FAM117B: variants seen among roughly 807,000 people sequenced by gnomAD.
FAM117B encodes the protein protein FAM117B.
In FAM117B, 22 loss-of-function variants were observed where a neutral mutation model predicts 52.8. That is an observed-to-expected ratio of 0.42 (90% confidence interval 0.30 to 0.59). The LOEUF (loss-of-function observed/expected upper bound fraction) is 0.59, where lower values mean the gene tolerates loss of function less well. Ranked by LOEUF, FAM117B falls within the 20% of genes least tolerant of loss-of-function variation. The pLI is 0.22. For synonymous variants in FAM117B, 309 were observed against 324.1 expected, an observed-to-expected ratio of 0.95 and a Z score of 0.50; for missense variants, 678 against 802.6, an observed-to-expected ratio of 0.84 and a Z score of 1.88.
intron 5 of FAM117B, 97 bp downstream of exon 5, chr2:202,755,778 C>T: frequency 1.6e-6 from 2 of 1,248,636 alleles, no homozygotes; most frequent in East Asian, 2.5e-5. Context: ...TCTTCCTTCT[C>T]ATTGAGAGAG....
chr2:202,733,876 TA>T, intron 4 of FAM117B, among the ~76,000 whole-genome samples: 1 of 152,312 alleles, frequency 6.6e-6, no homozygotes, highest in African/African-American at 2.4e-5. Context: ...GAGATTAAAG[TA>T]AAAACAGGCA....
chr2:202,722,288 C>T (rs1691168111), intron 2 of FAM117B, among the ~76,000 whole-genome samples: 1 of 152,068 alleles, frequency 6.6e-6, no homozygotes, highest in Non-Finnish European at 1.5e-5. Context: ...AGGCATGAGC[C>T]ACCACGCCTG....
intron 1 of FAM117B, among the ~76,000 whole-genome samples, chr2:202,693,850 A>G (rs1455590589): frequency 2.0e-5 from 3 of 152,150 alleles, no homozygotes; most frequent in Non-Finnish European, 4.4e-5. Context: ...GTTTTCTGCA[A>G]TTCATTGTTA....
At position 202,634,991 on chromosome 2, in the gene FAM117B, A is replaced by G. The variant is rs1250366770; in HGVS notation, c.-197A>G. On this transcript the variant is annotated 5_prime_UTR_variant, in exon 1 of 8. Coordinates refer to ENST00000392238, the MANE Select transcript of FAM117B (RefSeq NM_173511.4). ...AGCAGAGGAGACACTATTGTTGATG[A>G]GGAGCGGCGGCGGCGGCGGCGGCGG... Among the ~76,000 whole-genome samples the G allele has an allele frequency of 1.5e-5, 2 of 133,938 alleles. No homozygotes were observed. The highest frequency in any genetic ancestry group is 3.2e-5 in the Non-Finnish European group (2 of 63,000). The allele number at this position is 133,938 out of a possible 152,430, so 87.9% of individuals were successfully genotyped here.
At chr2:202,707,637 G>A (rs990088652) in intron 2 of FAM117B, among the ~76,000 whole-genome samples, 7 of 151,944 alleles carry the variant, frequency 4.6e-5, no homozygotes, top group African/African-American at 1.7e-4. Context: ...AACCTGGGAG[G>A]TGGAGGTCAC....
At chr2:202,683,126 G>A (rs564592310) in intron 1 of FAM117B, among the ~76,000 whole-genome samples, 1 of 152,102 alleles carries the variant, frequency 6.6e-6, no homozygotes, top group African/African-American at 2.4e-5. Context: ...TCAGGAGTTC[G>A]AGACCAGCCT....
chr2:202,676,572 G>A (rs931848359), intron 1 of FAM117B, among the ~76,000 whole-genome samples: 5 of 151,980 alleles, frequency 3.3e-5, no homozygotes, highest in Admixed American at 2.6e-4. Context: ...TAGAGACGGG[G>A]TTTCACCATG....
intron 4 of FAM117B, among the ~76,000 whole-genome samples, chr2:202,729,496 T>A (rs948247395): frequency 6.6e-6 from 1 of 152,174 alleles, no homozygotes; most frequent in African/African-American, 2.4e-5. Flanking sequence ...TTATTAATCA[T>A]TTTGGCCTGT....
At chr2:202,727,460 A>C (rs912709359) in intron 4 of FAM117B, among the ~76,000 whole-genome samples, 3 of 152,172 alleles carry the variant, frequency 2.0e-5, no homozygotes, top group Non-Finnish European at 2.9e-5. Flanking sequence ...GGATTCAACC[A>C]ACCATGGATC....
chr2:202,646,662 C>CT (rs1689868847), intron 1 of FAM117B, among the ~76,000 whole-genome samples: 1 of 152,138 alleles, frequency 6.6e-6, no homozygotes, highest in South Asian at 2.1e-4. Context: ...AATTTATGCT[C>CT]TTTTGAGTAC....
At chr2:202,648,483 C>G (rs1370736790) in intron 1 of FAM117B, among the ~76,000 whole-genome samples, 1 of 150,444 alleles carries the variant, frequency 6.6e-6, no homozygotes, top group African/African-American at 2.4e-5. Flanking sequence ...CGCCACTGCA[C>G]TGCAGCCTGG....
chr2:202,666,619 T>A (rs1210548281), intron 1 of FAM117B, among the ~76,000 whole-genome samples: 2 of 151,964 alleles, frequency 1.3e-5, no homozygotes, highest in East Asian at 3.9e-4. Context: ...TTCTACTGTA[T>A]TCACTTCTGG....
rs772703800 is a variant in FAM117B at position 202,635,320 on chromosome 2, C to A, written c.133C>A (p.Gln45Lys). ...GGCGACGGTTCCGTTCCAGCTGAAG[C>A]AGCAGCAGCAGCAGCAACATGGCAG... Reference protein sequence around the residue: ...MRATVPFQLKQQQQQQHGSPT... With the variant: ...MRATVPFQLKKQQQQQHGSPT... Residue 45 changes from glutamine to lysine, a missense_variant, in exon 1 of 8, where the codon CAG becomes AAG. Transcript: ENST00000392238. 2.2e-6 allele frequency: 3 copies of A among 1,379,474 alleles called. No homozygotes were observed. In the African/African-American group the frequency reaches 4.6e-5, roughly 21 times the overall value. 85.5% of individuals were successfully genotyped at this position (1,379,474 alleles called of 1,614,324 possible). A position where few individuals can be genotyped will look rare whatever the true frequency, so the allele number is the denominator to read the frequency against.
chr2:202,690,852 C>T (rs1690609984), intron 1 of FAM117B, among the ~76,000 whole-genome samples: 1 of 152,170 alleles, frequency 6.6e-6, no homozygotes, highest in Non-Finnish European at 1.5e-5. Flanking sequence ...TTTGCTTCTT[C>T]AGATTTTCCT....
At chr2:202,683,515 G>A (rs770463383) in intron 1 of FAM117B, among the ~76,000 whole-genome samples, 1 of 152,072 alleles carries the variant, frequency 6.6e-6, no homozygotes, top group Non-Finnish European at 1.5e-5. Flanking sequence ...GTACATAAAA[G>A]GATAATAAAG....
intron 1 of FAM117B, among the ~76,000 whole-genome samples, chr2:202,652,107 A>AT (rs1023212541): frequency 6.7e-5 from 10 of 148,252 alleles, no homozygotes; most frequent in African/African-American, 1.5e-4. Flanking sequence ...ATATTATTTT[A>AT]TTTTTTTTAA....
chr2:202,648,523 C>CG (rs919097208), intron 1 of FAM117B, among the ~76,000 whole-genome samples: 2 of 128,376 alleles, frequency 1.6e-5, no homozygotes, highest in Middle Eastern at 3.7e-3. Context: ...TCCCCACCCC[C>CG]CCCCCAAAAC....
intron 1 of FAM117B, among the ~76,000 whole-genome samples, chr2:202,656,279 T>A (rs1283575574): frequency 6.6e-6 from 1 of 152,238 alleles, no homozygotes; most frequent in Non-Finnish European, 1.5e-5. Context: ...TTGCTCATTT[T>A]CTGGTTTCTC....
intron 1 of FAM117B, among the ~76,000 whole-genome samples, chr2:202,641,640 TC>T (rs1160750052): frequency 2.4e-4 from 28 of 119,092 alleles, no homozygotes; most frequent in African/African-American, 9.4e-4. Context: ...TATTTTATTT[TC>T]TTTTTTTTTT....
Sources: allele counts gnomAD v4.1 joint callset (sites outside exome capture counted in the v4.1 genomes callset), GRCh38; gene constraint gnomAD v4.1.1; transcripts MANE v1.5; gene names NCBI Gene and HGNC (gene_info 2026-07-23, HGNC 2026-07-21).